Variants in CDC42BPA observed in about 807,000 individuals in gnomAD.
The protein encoded by CDC42BPA is CDC42 binding protein kinase alpha.
Under a neutral mutation model 223.5 loss-of-function variants are expected in CDC42BPA, and 80 were observed. That is an observed-to-expected ratio of 0.36 (90% CI 0.30 to 0.43). The LOEUF (loss-of-function observed/expected upper bound fraction) is 0.43, where lower values mean the gene tolerates loss of function less well. Ranked by LOEUF, CDC42BPA falls within the 20% of genes least tolerant of loss-of-function variation. CDC42BPA has a pLI of 1.00. For missense variants in CDC42BPA, 1,743 were observed against 2,099.9 expected (o/e 0.83, Z 3.32); for synonymous variants, 694 against 718.6 (o/e 0.97, Z 0.55).
At chr1:227,162,965 CGTGT>C (rs375927747) in intron 5 of CDC42BPA, among the ~76,000 whole-genome samples, 23,904 of 134,552 alleles carry the variant, frequency 0.18, 2,347 homozygotes, top group African/African-American at 0.3. Flanking sequence ...TGTTTCCAAA[CGTGT>C]GTATGTTTCC....
At chr1:227,315,677 C>T (rs891329358) in intron 1 of CDC42BPA, among the ~76,000 whole-genome samples, 13 of 151,970 alleles carry the variant, frequency 8.6e-5, no homozygotes, top group African/African-American at 3.1e-4. Flanking sequence ...AAATAAAAGA[C>T]GTATACTCAC....
At chr1:227,258,234 G>T (rs560169922) in intron 1 of CDC42BPA, among the ~76,000 whole-genome samples, 2 of 144,980 alleles carry the variant, frequency 1.4e-5, no homozygotes, top group South Asian at 2.2e-4. Flanking sequence ...CCAAATAATT[G>T]TAACACCAGT....
rs1692838288 is a variant in CDC42BPA at position 227,307,929 on chromosome 1, T to C, written c.178+9076A>G. ...GTAATTAGTCATCTCATATTTGTTG[T>C]TGTTGGTGGATGAATGAGCATTAAC... On this transcript the variant is annotated intron_variant, in intron 1 of 36. Transcript: ENST00000366766. Among the ~76,000 whole-genome samples the C allele has an allele frequency of 2.0e-5, 3 of 152,172 alleles. No individual in the cohort carries two copies. The South Asian group carries it at 6.2e-4, about 32-fold the overall frequency.
At chr1:227,276,649 G>A (rs920462078) in intron 1 of CDC42BPA, among the ~76,000 whole-genome samples, 2 of 152,236 alleles carry the variant, frequency 1.3e-5, no homozygotes, top group Non-Finnish European at 2.9e-5. Flanking sequence ...GGAAATGTGG[G>A]GAAAGGAAAG....
chr1:227,222,447 C>G (rs1176863624), intron 2 of CDC42BPA, among the ~76,000 whole-genome samples: 1 of 149,110 alleles, frequency 6.7e-6, no homozygotes, highest in African/African-American at 2.5e-5. Context: ...TGCAGTGAGC[C>G]AAGACCACGC....
chr1:227,308,523 A>AAC (rs1267745445), intron 1 of CDC42BPA, among the ~76,000 whole-genome samples: 1 of 151,500 alleles, frequency 6.6e-6, no homozygotes, highest in African/African-American at 2.4e-5. Context: ...AAAAAAAAAA[A>AAC]AAAAACAGAA....
chr1:227,135,062 T>C (rs535005372), intron 10 of CDC42BPA, among the ~76,000 whole-genome samples: 7 of 152,352 alleles, frequency 4.6e-5, no homozygotes, highest in African/African-American at 1.7e-4. Flanking sequence ...GTGAAGAGGC[T>C]ATTACAACTG....
At chr1:227,016,902 A>G (rs770921984) in intron 33 of CDC42BPA, 25 bp downstream of exon 33, 1 of 1,598,796 alleles carries the variant, frequency 6.3e-7, no homozygotes, top group Non-Finnish European at 8.5e-7. Context: ...GCAAGCATGG[A>G]TGATACTACA....
chr1:227,307,123 T>TA (rs1399912203), intron 1 of CDC42BPA, among the ~76,000 whole-genome samples: 6 of 152,218 alleles, frequency 3.9e-5, no homozygotes, highest in Admixed American at 1.3e-4. Context: ...ATCACTAGCT[T>TA]AGCAGGTGCA....
At chr1:227,164,405 C>T (rs1326720430) in intron 5 of CDC42BPA, among the ~76,000 whole-genome samples, 2 of 152,172 alleles carry the variant, frequency 1.3e-5, no homozygotes, top group African/African-American at 2.4e-5. Flanking sequence ...ATACACTAAA[C>T]CTATAAGTCT....
At chr1:227,129,702 C>CGCATATATATATATATATATATAT (rs1414504695) in intron 10 of CDC42BPA, among the ~76,000 whole-genome samples, 5 of 70,940 alleles carry the variant, frequency 7.0e-5, no homozygotes, top group African/African-American at 2.8e-4. Context: ...AAATCCACTG[C>CGCATATATATATATATATATATAT]ATATATATAT....
intron 1 of CDC42BPA, among the ~76,000 whole-genome samples, chr1:227,288,690 G>A (rs1056938246): frequency 2.6e-5 from 4 of 151,132 alleles, no homozygotes; most frequent in African/African-American, 7.3e-5. Context: ...ACCAAGACTC[G>A]GTCTCAAAAA....
intron 16 of CDC42BPA, among the ~76,000 whole-genome samples, chr1:227,082,210 A>AT (rs1471217864): frequency 6.7e-6 from 1 of 149,998 alleles, no homozygotes; most frequent in Non-Finnish European, 1.5e-5. Flanking sequence ...TTATTTTTTT[A>AT]TTTTTTAAAT....
chr1:227,132,947 C>G (rs1657543665), intron 10 of CDC42BPA, among the ~76,000 whole-genome samples: 1 of 151,286 alleles, frequency 6.6e-6, no homozygotes, highest in African/African-American at 2.4e-5. Context: ...GCCGCCCTGT[C>G]TGAGAAGTGA....
At chr1:227,162,690 G>T (rs1176096052) in intron 5 of CDC42BPA, among the ~76,000 whole-genome samples, 1 of 152,086 alleles carries the variant, frequency 6.6e-6, no homozygotes, top group African/African-American at 2.4e-5. Context: ...TGAAAAATTA[G>T]CTGGGCAGGA....
Position 227,016,916 on chromosome 1 carries a change from T to G in CDC42BPA, c.4739+11A>C. ...AGCAAGCATGGATGATACTACAGGT[T>G]AAGTATCTACCTCCTCTGCTGCATC... On this transcript the variant is annotated intron_variant, in intron 33 of 36. Transcript: ENST00000366766. The G allele has an allele frequency of 2.5e-6, 4 of 1,608,570 alleles. No homozygotes were observed. Among genetic ancestry groups the G allele is most frequent in the Non-Finnish European group, 3.4e-6 (4 of 1,177,416 alleles).
chr1:227,214,622 T>A (rs762110120), intron 2 of CDC42BPA, among the ~76,000 whole-genome samples: 1 of 152,158 alleles, frequency 6.6e-6, no homozygotes, highest in Non-Finnish European at 1.5e-5. Context: ...CACTAAGCTA[T>A]ACAAGACTCA....
At chr1:227,135,828 T>C (rs1571893328) in intron 10 of CDC42BPA, among the ~76,000 whole-genome samples, 1 of 126,524 alleles carries the variant, frequency 7.9e-6, no homozygotes, top group East Asian at 2.4e-4. Flanking sequence ...CACTCCAGCC[T>C]GGGCGACAGA....
rs1311589527 is a variant in CDC42BPA at position 227,101,246 on chromosome 1, A to G, written c.2002-7T>C. 6.7e-7 allele frequency: 1 copy of G among 1,492,432 alleles called. No homozygotes were observed. Among genetic ancestry groups the G allele is most frequent in the Admixed American group, 2.2e-5 (1 of 45,858 alleles). 92.4% of individuals were successfully genotyped at this position (1,492,432 alleles called of 1,614,324 possible). A position where few individuals can be genotyped will look rare whatever the true frequency, so the allele number is the denominator to read the frequency against. ...AGTAACTAATTTGTTTTTGCTATAGAAATAATAACAAAAGATTAGTGCATC... is the reference window on the plus strand; with the variant it reads ...AGTAACTAATTTGTTTTTGCTATAGGAATAATAACAAAAGATTAGTGCATC... On this transcript the variant is annotated splice_polypyrimidine_tract_variant and splice_region_variant and intron_variant, in intron 14 of 36. Transcript: ENST00000366766.
Sources: gnomAD v4.1 joint callset for allele counts (sites outside exome capture counted in the v4.1 genomes callset) on GRCh38, gnomAD v4.1.1 for gene constraint, MANE v1.5 for transcripts, NCBI Gene and HGNC (gene_info 2026-07-23, HGNC 2026-07-21) for gene names.